Variants in MAGI2 observed in about 807,000 individuals in gnomAD.
The protein encoded by MAGI2 is membrane associated guanylate kinase, WW and PDZ domain containing 2, also known as membrane-associated guanylate kinase, WW and PDZ domain-containing protein 2.
Under a neutral mutation model 133.3 loss-of-function variants are expected in MAGI2, and 35 were observed. The ratio of observed to expected loss-of-function variants is 0.26; its 90% CI spans 0.20 to 0.35. The LOEUF (loss-of-function observed/expected upper bound fraction) is 0.35, where lower values mean the gene tolerates loss of function less well. Ranked by LOEUF, MAGI2 falls within the 10% of genes least tolerant of loss-of-function variation. The pLI is 1.00. For synonymous variants in MAGI2, 729 were observed against 710.6 expected (o/e 1.03, Z -0.41); for missense variants, 1,636 against 1,863.4 (o/e 0.88, Z 2.25).
At chr7:78,520,786 A>ACAAT (rs56097525) in intron 4 of MAGI2, among the ~76,000 whole-genome samples, 31,520 of 152,080 alleles carry the variant, frequency 0.21, 3,331 homozygotes, top group South Asian at 0.38. Flanking sequence ...CATATGTGGT[A>ACAAT]CAATGATCAT....
At chr7:79,227,788 C>A (rs2129553938) in intron 1 of MAGI2, among the ~76,000 whole-genome samples, 1 of 152,226 alleles carries the variant, frequency 6.6e-6, no homozygotes, top group Non-Finnish European at 1.5e-5. Flanking sequence ...TAACTGGTTT[C>A]TTTTGTTTGA....
chr7:78,335,211 T>C (rs2691542), intron 9 of MAGI2, among the ~76,000 whole-genome samples: 127,876 of 152,152 alleles, frequency 0.84, 54,133 homozygotes, highest in African/African-American at 0.93. Flanking sequence ...GCAGCATGGA[T>C]AGGAAGGACT....
chr7:78,214,449 T>G (rs954735677), intron 10 of MAGI2, among the ~76,000 whole-genome samples: 4 of 152,248 alleles, frequency 2.6e-5, no homozygotes, highest in African/African-American at 9.6e-5. Context: ...CTTTTTGATG[T>G]CTTGGCACTT....
In MAGI2 at chr7:78,078,991, A is replaced by G. The variant is rs747335164; in HGVS notation, c.3662T>C (p.Val1221Ala). The change falls in exon 21 of 22, where the codon GTG (valine) becomes GCG (alanine). Residue 1221 changes from valine (V) to alanine (A), a missense_variant. Val to Ala is a moderately conservative substitution (Grantham distance 64). Transcript: ENST00000354212. ...IELIKSGGRR[V>A]RLLLKRGTGQ... Reference sequence around the variant, plus strand: ...CGTGCCTCTCTTGAGCAGCAGCCTCACTCGTCTTCCTCCAGATTTGATGAG... The same window carrying G: ...CGTGCCTCTCTTGAGCAGCAGCCTCGCTCGTCTTCCTCCAGATTTGATGAG... 3.1e-6 allele frequency: 5 copies of G among 1,613,624 alleles called. No homozygotes were observed. The South Asian group carries it at 4.4e-5, about 14-fold the overall frequency.
At chr7:79,090,292 C>G (rs1169732710) in intron 1 of MAGI2, among the ~76,000 whole-genome samples, 1 of 151,536 alleles carries the variant, frequency 6.6e-6, no homozygotes, top group Non-Finnish European at 1.5e-5. Context: ...ATTATTTAAC[C>G]TGGATTTATA....
At chr7:78,330,900 GAC>G (rs1406979194) in intron 9 of MAGI2, among the ~76,000 whole-genome samples, 2 of 152,168 alleles carry the variant, frequency 1.3e-5, no homozygotes, top group East Asian at 1.9e-4. Context: ...AGTTCAGAGA[GAC>G]AGAGTAGTAC....
intron 21 of MAGI2, among the ~76,000 whole-genome samples, chr7:78,025,781 G>T (rs1018607091): frequency 1.3e-5 from 2 of 152,192 alleles, no homozygotes; most frequent in African/African-American, 4.8e-5. Context: ...ACTGGGAAGA[G>T]TTCCCGCTTT....
At chr7:78,620,341 CTA>C (rs781769214) in intron 3 of MAGI2, among the ~76,000 whole-genome samples, 2 of 151,916 alleles carry the variant, frequency 1.3e-5, no homozygotes, top group Non-Finnish European at 2.9e-5. Flanking sequence ...ATACATCAAA[CTA>C]TGCTAAAATA....
intron 2 of MAGI2, among the ~76,000 whole-genome samples, chr7:78,836,185 T>C (rs1032400428): frequency 1.3e-5 from 2 of 152,212 alleles, no homozygotes; most frequent in African/African-American, 2.4e-5. Flanking sequence ...TCCAACATGA[T>C]GCAAATGAAT....
intron 2 of MAGI2, among the ~76,000 whole-genome samples, chr7:78,736,735 G>C (rs1249535926): frequency 6.6e-6 from 1 of 152,138 alleles, no homozygotes; most frequent in East Asian, 1.9e-4. Context: ...GGCAGTGGCA[G>C]CATCAGCTGT....
At chr7:79,065,540 C>T (rs1262129751) in intron 1 of MAGI2, among the ~76,000 whole-genome samples, 1 of 151,880 alleles carries the variant, frequency 6.6e-6, no homozygotes, top group East Asian at 1.9e-4. Flanking sequence ...AAACTATTCT[C>T]ATATATAATA....
At chr7:79,245,410 G>C (rs1230919491) in intron 1 of MAGI2, among the ~76,000 whole-genome samples, 1 of 152,150 alleles carries the variant, frequency 6.6e-6, no homozygotes, top group Non-Finnish European at 1.5e-5. Context: ...TACCCTGAAG[G>C]GGGCGTTCTA....
intron 2 of MAGI2, among the ~76,000 whole-genome samples, chr7:78,980,871 C>A (rs967547672): frequency 3.3e-5 from 5 of 151,378 alleles, no homozygotes; most frequent in Non-Finnish European, 5.9e-5. Context: ...GTCTTTTAGT[C>A]TAAAGAGTAT....
chr7:78,650,417 G>A (rs149015299), intron 2 of MAGI2, among the ~76,000 whole-genome samples: 6 of 152,238 alleles, frequency 3.9e-5, no homozygotes, highest in Non-Finnish European at 8.8e-5. Context: ...TGTGGGAGTG[G>A]CCTTCAAAAG....
At chr7:78,534,334 C>CAGATCATTTCCTAA (rs2150636358) in intron 3 of MAGI2, among the ~76,000 whole-genome samples, 1 of 152,302 alleles carries the variant, frequency 6.6e-6, no homozygotes, top group East Asian at 1.9e-4. Flanking sequence ...TGGATAAATA[C>CAGATCATTTCCTAA]AGATCTTTAG....
chr7:78,252,941 C>CAAAAAAA (rs752962551), intron 10 of MAGI2: 1 of 83,826 alleles, frequency 1.2e-5, no homozygotes, highest in Non-Finnish European at 2.4e-5. Context: ...ACTCTGTCTC[C>CAAAAAAA]AAAAAAAAAA....
chr7:78,269,372 C>T (rs1202530819), intron 9 of MAGI2, among the ~76,000 whole-genome samples: 6 of 152,190 alleles, frequency 3.9e-5, no homozygotes, highest in African/African-American at 1.4e-4. Flanking sequence ...CTGTCTTCCA[C>T]AATAGTTGAA....
intron 1 of MAGI2, among the ~76,000 whole-genome samples, chr7:79,129,153 C>G (rs905984536): frequency 4.6e-5 from 7 of 152,144 alleles, no homozygotes; most frequent in African/African-American, 1.2e-4. Flanking sequence ...AGGCGTGAGC[C>G]ACCATGAGCC....
At chr7:79,299,342 T>C (rs1837198063) in intron 1 of MAGI2, among the ~76,000 whole-genome samples, 1 of 151,898 alleles carries the variant, frequency 6.6e-6, no homozygotes. Context: ...ACATAGAGTG[T>C]TGTGAAAATC....
Sources: allele counts gnomAD v4.1 joint callset (sites outside exome capture counted in the v4.1 genomes callset), GRCh38; gene constraint gnomAD v4.1.1; transcripts MANE v1.5; gene names NCBI Gene and HGNC (gene_info 2026-07-23, HGNC 2026-07-21).